Variants in ERI3 observed in about 807,000 individuals in gnomAD.
ERI3 encodes the protein ERI1 exoribonuclease family member 3.
Under a neutral mutation model 44.4 loss-of-function variants are expected in ERI3, and 18 were observed. The ratio of observed to expected loss-of-function variants is 0.41; its 90% CI spans 0.28 to 0.60. ERI3 has a LOEUF of 0.60. ERI3 is among the 20% of genes least tolerant of loss of function. ERI3 has a pLI of 0.36. For missense variants in ERI3, 294 were observed against 435.5 expected, an observed-to-expected ratio of 0.68 and a Z score of 2.89; for synonymous variants, 183 against 164.8, an observed-to-expected ratio of 1.11 and a Z score of -0.84.
rs564219590 is a variant in ERI3, at chr1:44,246,252, T to G, written c.931+1687A>C. ...TGTCCTCAACACACTGGGTTTCTCA[T>G]GCCCACAGGCCTTTCTACTGAGTCC... On this transcript the variant is annotated intron_variant, in intron 8 of 8. Transcript: ENST00000372257. Among the ~76,000 whole-genome samples, 4 of 152,338 alleles carry G rather than the reference T, an allele frequency of 2.6e-5. No individual in the cohort carries two copies. The East Asian group carries it at 5.8e-4, about 22-fold the overall frequency.
intron 7 of ERI3, among the ~76,000 whole-genome samples, chr1:44,281,588 G>GAAAAAA (rs769332763): frequency 0.11 from 10,951 of 102,982 alleles, 831 homozygotes; most frequent in Non-Finnish European, 0.15. Flanking sequence ...ACCCCGTCTC[G>GAAAAAA]AAAAAAAAAA....
chr1:44,250,009 T>C (rs919999886), intron 7 of ERI3, among the ~76,000 whole-genome samples: 1 of 152,066 alleles, frequency 6.6e-6, no homozygotes, highest in East Asian at 1.9e-4. Context: ...AGAAGGATAA[T>C]GTGTGTTTAC....
intron 3 of ERI3, among the ~76,000 whole-genome samples, chr1:44,321,241 C>A (rs182027388): frequency 6.6e-6 from 1 of 152,210 alleles, no homozygotes; most frequent in African/African-American, 2.4e-5. Flanking sequence ...AGACTTCATG[C>A]CAGAGAGATT....
rs544487804 is a variant in ERI3 at position 44,235,395 on chromosome 1, T to C, written c.931+12544A>G. ...TAGGTGCCTTCCCCCCATCCCGCCT[T>C]TGTGTTAGGAACCTCTTCTGTGTGC... On this transcript the variant is annotated intron_variant, in intron 8 of 8. Coordinates refer to ENST00000372257, the MANE Select transcript of ERI3 (RefSeq NM_024066.3). This position sits in a 1 kb window ranked among gnomAD's most constrained non-coding sequence, Gnocchi z 4.6. 1.3e-5 allele frequency among the ~76,000 whole-genome samples: 2 copies of C among 152,142 alleles called. No individual in the cohort carries two copies. The highest frequency in any genetic ancestry group is 2.9e-5 in the Non-Finnish European group (2 of 68,024).
At chr1:44,342,838 T>TATATATATATATATATAA (rs1646698476) in intron 2 of ERI3, among the ~76,000 whole-genome samples, 1 of 28,494 alleles carries the variant, frequency 3.5e-5, no homozygotes, top group Non-Finnish European at 6.3e-5. Context: ...TATATATATA[T>TATATATATATATATATAA]ATATATATAT....
At chr1:44,306,744 T>G (rs1441110893) in intron 6 of ERI3, among the ~76,000 whole-genome samples, 2 of 152,212 alleles carry the variant, frequency 1.3e-5, no homozygotes, top group African/African-American at 4.8e-5. Context: ...GTTTGGAAGG[T>G]GAAGACGCCA....
chr1:44,342,368 A>C (rs1297876446), intron 2 of ERI3, among the ~76,000 whole-genome samples: 2 of 152,172 alleles, frequency 1.3e-5, no homozygotes, highest in Non-Finnish European at 2.9e-5. Flanking sequence ...AGAGGAACTG[A>C]TCAAAGAAGT....
chr1:44,354,646 T>C, intron 1 of ERI3: 4 of 985,410 alleles, frequency 4.1e-6, no homozygotes, highest in Non-Finnish European at 4.8e-6. Context: ...CTAGCCTCTC[T>C]AGTCAAACCT....
intron 7 of ERI3, among the ~76,000 whole-genome samples, chr1:44,254,165 G>C (rs1644737036): frequency 6.6e-6 from 1 of 152,096 alleles, no homozygotes; most frequent in Non-Finnish European, 1.5e-5. Flanking sequence ...GTATCTACAA[G>C]ATAACCCAGC....
chr1:44,265,228 C>G (rs377395517), intron 7 of ERI3, among the ~76,000 whole-genome samples: 6 of 152,206 alleles, frequency 3.9e-5, no homozygotes, highest in African/African-American at 1.4e-4. Context: ...GGAAGTTTCT[C>G]AGATCACCTG....
chr1:44,250,642 G>A (rs1313808796), intron 7 of ERI3, among the ~76,000 whole-genome samples: 1 of 152,152 alleles, frequency 6.6e-6, no homozygotes, highest in Non-Finnish European at 1.5e-5. Flanking sequence ...CTGCGGCCGT[G>A]GGTGTCATGC....
chr1:44,323,025 T>C, intron 3 of ERI3: 1 of 1,058,624 alleles, frequency 9.4e-7, no homozygotes, highest in Non-Finnish European at 1.3e-6. Context: ...GACCCTGACC[T>C]TTTCTCTCAG....
chr1:44,349,598 G>A (rs573544788), intron 2 of ERI3, among the ~76,000 whole-genome samples: 64 of 152,284 alleles, frequency 4.2e-4, no homozygotes, highest in African/African-American at 1.5e-3. Flanking sequence ...TGTTCACAAC[G>A]ACAACTGTGA....
intron 4 of ERI3, among the ~76,000 whole-genome samples, chr1:44,315,983 CT>C (rs5773826): frequency 0.88 from 128,470 of 145,902 alleles, 57,827 homozygotes; most frequent in East Asian, 0.99. Context: ...GAGACCCCAT[CT>C]TTTTTTTTTT....
chr1:44,335,737 G>A (rs1205359808), intron 3 of ERI3, among the ~76,000 whole-genome samples: 1 of 146,580 alleles, frequency 6.8e-6, no homozygotes, highest in South Asian at 2.1e-4. Context: ...GGCAACAAGA[G>A]CAACTTGTAG....
At chr1:44,310,957 GCGCGCGCA>G (rs1458385358) in intron 5 of ERI3, among the ~76,000 whole-genome samples, 4 of 76,720 alleles carry the variant, frequency 5.2e-5, no homozygotes, top group Non-Finnish European at 1.0e-4. Context: ...CACATCGCGC[GCGCGCGCA>G]CACACACACA....
intron 2 of ERI3, among the ~76,000 whole-genome samples, chr1:44,343,567 T>G (rs541133496): frequency 1.3e-5 from 2 of 152,144 alleles, no homozygotes; most frequent in African/African-American, 2.4e-5. Flanking sequence ...TTCAAAAGTA[T>G]CAAGGTCATG....
chr1:44,232,174 T>C (rs1390626467), intron 8 of ERI3, among the ~76,000 whole-genome samples: 1 of 152,086 alleles, frequency 6.6e-6, no homozygotes, highest in East Asian at 1.9e-4. Flanking sequence ...GTATACTAAC[T>C]GATACAGAAT....
At chr1:44,342,633 T>G (rs767435285) in intron 2 of ERI3, among the ~76,000 whole-genome samples, 2 of 149,214 alleles carry the variant, frequency 1.3e-5, no homozygotes, top group Admixed American at 6.7e-5. Flanking sequence ...TGAGCACACC[T>G]AGCACTCCAT....
Sources: allele counts gnomAD v4.1 joint callset (sites outside exome capture counted in the v4.1 genomes callset), GRCh38; gene constraint gnomAD v4.1.1; non-coding constraint Gnocchi (gnomAD v3.1); transcripts MANE v1.5; gene names NCBI Gene and HGNC (gene_info 2026-07-23, HGNC 2026-07-21).